PTPRD: variants seen among roughly 807,000 people sequenced by gnomAD.
PTPRD encodes protein tyrosine phosphatase receptor type D.
In PTPRD, 34 loss-of-function variants were observed where a neutral mutation model predicts 214.5. The ratio of observed to expected loss-of-function variants is 0.16; its 90% CI spans 0.12 to 0.21. The LOEUF (loss-of-function observed/expected upper bound fraction) is 0.21. PTPRD is among the 10% of genes least tolerant of loss of function. PTPRD has a pLI of 1.00. For synonymous variants in PTPRD, 1,128 were observed against 845.7 expected (o/e 1.33, Z -5.79); for missense variants, 2,545 against 2,398.7 (o/e 1.06, Z -1.27).
At position 9,262,061 on chromosome 9, in the gene PTPRD, A is replaced by T. The variant is rs1478763823; in HGVS notation, c.-202-78698T>A. Among the ~76,000 whole-genome samples the T allele has an allele frequency of 2.0e-5, 3 of 151,730 alleles. 1 individual carries two copies. The highest frequency in any genetic ancestry group is 7.3e-5 in the African/African-American group (3 of 41,370). ...ATATTAAATTCCTTTATATGAGGAA[A>T]AGGAATATTAACACTGGCAAGATAT... On this transcript the variant is annotated intron_variant, in intron 9 of 45. Transcript: ENST00000381196.
chr9:8,818,283 T>C (rs2096964581), intron 11 of PTPRD, among the ~76,000 whole-genome samples: 1 of 152,226 alleles, frequency 6.6e-6, no homozygotes, highest in Non-Finnish European at 1.5e-5. Flanking sequence ...AAATTTACAA[T>C]CTATATTCTC....
chr9:10,592,271 C>T (rs2075646283), intron 2 of PTPRD, among the ~76,000 whole-genome samples: 1 of 151,680 alleles, frequency 6.6e-6, no homozygotes, highest in African/African-American at 2.4e-5. Context: ...CCCAGGATGA[C>T]ATATGTGAGC....
chr9:9,648,584 A>T (rs1458809785), intron 7 of PTPRD, among the ~76,000 whole-genome samples: 1 of 152,246 alleles, frequency 6.6e-6, no homozygotes, highest in African/African-American at 2.4e-5. Flanking sequence ...CTGAATAATC[A>T]TAATCTCATG....
intron 37 of PTPRD, among the ~76,000 whole-genome samples, chr9:8,379,872 C>T (rs1333595480): frequency 6.6e-6 from 1 of 152,104 alleles, no homozygotes; most frequent in Non-Finnish European, 1.5e-5. Flanking sequence ...GGCAGAGTCT[C>T]CCTGGATGCC....
intron 3 of PTPRD, among the ~76,000 whole-genome samples, chr9:10,115,766 G>C (rs1446405276): frequency 2.0e-5 from 3 of 152,020 alleles, no homozygotes; most frequent in African/African-American, 7.2e-5. Context: ...TGATATAACA[G>C]AGTTATTGAC....
chr9:9,985,166 C>T (rs570281222), intron 4 of PTPRD, among the ~76,000 whole-genome samples: 4 of 152,306 alleles, frequency 2.6e-5, no homozygotes, highest in African/African-American at 4.8e-5. Context: ...GTTACAACTA[C>T]GTCTTCTCCA....
chr9:9,513,508 T>C (rs940983839), intron 8 of PTPRD, among the ~76,000 whole-genome samples: 35 of 151,788 alleles, frequency 2.3e-4, no homozygotes, highest in Admixed American at 5.9e-4. Context: ...TTTTGCTTTT[T>C]CTTAAAGATC....
At chr9:9,170,357 C>T (rs772862406) in intron 10 of PTPRD, among the ~76,000 whole-genome samples, 4 of 152,074 alleles carry the variant, frequency 2.6e-5, no homozygotes, top group Non-Finnish European at 4.4e-5. Context: ...TGTGGCATCA[C>T]TGAATAGAAA....
chr9:9,390,474 C>G (rs1243257919), intron 9 of PTPRD, among the ~76,000 whole-genome samples: 3 of 151,998 alleles, frequency 2.0e-5, no homozygotes, highest in African/African-American at 7.3e-5. Context: ...TCCAGGCCCT[C>G]TGAACAGCTA....
At chr9:8,814,465 G>A (rs1308289658) in intron 11 of PTPRD, among the ~76,000 whole-genome samples, 1 of 152,120 alleles carries the variant, frequency 6.6e-6, no homozygotes, top group Non-Finnish European at 1.5e-5. Context: ...CTGAAGCTGA[G>A]ACCAATAGGA....
At chr9:8,485,706 T>C (rs2096987007) in intron 28 of PTPRD, 56 bp downstream of exon 28, 10 of 1,439,902 alleles carry the variant, frequency 6.9e-6, no homozygotes, top group Non-Finnish European at 8.5e-6. Flanking sequence ...AAAATACTGA[T>C]TTCCAAAGAC....
chr9:8,841,724 G>T (rs1025385874), intron 11 of PTPRD, among the ~76,000 whole-genome samples: 1 of 136,874 alleles, frequency 7.3e-6, no homozygotes, highest in African/African-American at 2.6e-5. Context: ...AAAAAAAAAT[G>T]ACATCAGCCT....
intron 3 of PTPRD, among the ~76,000 whole-genome samples, chr9:10,272,932 A>C (rs574142108): frequency 6.6e-6 from 1 of 152,214 alleles, no homozygotes; most frequent in Non-Finnish European, 1.5e-5. Context: ...GTTGTCCATC[A>C]GTATTCTGTC....
chr9:9,946,947 A>C (rs2092644179), intron 4 of PTPRD, among the ~76,000 whole-genome samples: 1 of 152,024 alleles, frequency 6.6e-6, no homozygotes, highest in Non-Finnish European at 1.5e-5. Context: ...CAGAATGAAT[A>C]ACGATTATAT....
At chr9:10,091,076 T>C (rs2098424637) in intron 3 of PTPRD, among the ~76,000 whole-genome samples, 1 of 151,096 alleles carries the variant, frequency 6.6e-6, no homozygotes, top group African/African-American at 2.4e-5. Context: ...GTAAAACAAA[T>C]AATGGCAGAG....
At chr9:10,213,144 TA>T (rs1349805283) in intron 3 of PTPRD, among the ~76,000 whole-genome samples, 1 of 152,188 alleles carries the variant, frequency 6.6e-6, no homozygotes, top group African/African-American at 2.4e-5. Context: ...AATGTACTTT[TA>T]TTTTTAACAA....
intron 11 of PTPRD, among the ~76,000 whole-genome samples, chr9:8,757,629 T>C (rs2094106000): frequency 6.8e-6 from 1 of 147,106 alleles, no homozygotes; most frequent in East Asian, 2.0e-4. Context: ...TGCATATATA[T>C]ATATATATAT....
At chr9:10,479,703 T>C (rs982856541) in intron 2 of PTPRD, among the ~76,000 whole-genome samples, 1 of 138,598 alleles carries the variant, frequency 7.2e-6, no homozygotes. Flanking sequence ...TGTGCACTGG[T>C]AGTCCCAGCT....
At chr9:9,828,538 T>G (rs2053756373) in intron 5 of PTPRD, among the ~76,000 whole-genome samples, 1 of 151,962 alleles carries the variant, frequency 6.6e-6, no homozygotes, top group Non-Finnish European at 1.5e-5. Context: ...CATTAGGAGA[T>G]ATACTTAATG....
Sources: allele counts gnomAD v4.1 joint callset (sites outside exome capture counted in the v4.1 genomes callset), GRCh38; gene constraint gnomAD v4.1.1; transcripts MANE v1.5; gene names NCBI Gene and HGNC (gene_info 2026-07-23, HGNC 2026-07-21).